SHLD2: variants seen among roughly 807,000 people sequenced by gnomAD.
SHLD2 encodes shieldin complex subunit 2, also known as RINN1-REV7-interacting novel NHEJ regulator 2.
In SHLD2, 30 loss-of-function variants were observed where a neutral mutation model predicts 73.2. That is an observed-to-expected ratio of 0.41 (90% CI 0.31 to 0.56). The LOEUF (loss-of-function observed/expected upper bound fraction) is 0.56. SHLD2 is among the 20% of genes least tolerant of loss of function. The pLI, the probability that SHLD2 is intolerant of heterozygous loss-of-function variation, is 0.28. For missense variants in SHLD2, 745 were observed against 1,055.9 expected, an observed-to-expected ratio of 0.71 and a Z score of 4.08; for synonymous variants, 285 against 370.1, an observed-to-expected ratio of 0.77 and a Z score of 2.64.
chr10:87,155,509 T>A (rs1240158375), intron 3 of SHLD2, among the ~76,000 whole-genome samples: 8 of 134,332 alleles, frequency 6.0e-5, no homozygotes, highest in South Asian at 4.2e-4. Flanking sequence ...GAAAAAAAAA[T>A]TTTTTTTTCT....
chr10:87,117,099 T>C (rs1240029345), intron 2 of SHLD2, among the ~76,000 whole-genome samples: 3 of 152,328 alleles, frequency 2.0e-5, no homozygotes, highest in Non-Finnish European at 2.9e-5. Context: ...AAGTCTTTAG[T>C]GAACATCAGA....
intron 2 of SHLD2, among the ~76,000 whole-genome samples, chr10:87,119,404 G>A (rs1196368176): frequency 2.0e-5 from 3 of 151,776 alleles, no homozygotes; most frequent in African/African-American, 2.4e-5. Flanking sequence ...GGTTTAAATC[G>A]TCTCTAGAAC....
intron 2 of SHLD2, among the ~76,000 whole-genome samples, chr10:87,127,542 C>CCCCCG (rs1564587226): frequency 0.011 from 931 of 81,484 alleles, 19 homozygotes; most frequent in Middle Eastern, 0.025. Context: ...CCCCCCCACC[C>CCCCCG]CGTCTGCCAC....
chr10:87,184,345 C>T (rs1372090023), intron 8 of SHLD2, among the ~76,000 whole-genome samples: 1 of 152,048 alleles, frequency 6.6e-6, no homozygotes, highest in African/African-American at 2.4e-5. Flanking sequence ...TTTCTCAGGA[C>T]AGTTTCTCAT....
At chr10:87,106,104 AG>A (rs1157335224) in intron 2 of SHLD2, among the ~76,000 whole-genome samples, 1 of 152,232 alleles carries the variant, frequency 6.6e-6, no homozygotes, top group Non-Finnish European at 1.5e-5. Flanking sequence ...CCTGGGTTCA[AG>A]TGATTCTCCT....
chr10:87,156,136 G>C (rs1224643453), intron 3 of SHLD2, among the ~76,000 whole-genome samples: 1 of 149,100 alleles, frequency 6.7e-6, no homozygotes, highest in East Asian at 2.0e-4. Context: ...GCGCGATCTC[G>C]GCTCACTGCA....
chr10:87,161,655 G>A, intron 4 of SHLD2, among the ~76,000 whole-genome samples: 1 of 152,122 alleles, frequency 6.6e-6, no homozygotes, highest in Admixed American at 6.6e-5. Context: ...CCCTGTTCTT[G>A]GATAGGATGA....
intron 2 of SHLD2, among the ~76,000 whole-genome samples, chr10:87,144,698 C>T (rs1459411840): frequency 1.6e-5 from 2 of 126,134 alleles, no homozygotes; most frequent in Non-Finnish European, 1.6e-5. Context: ...GCAATCTTGG[C>T]TCACTGCAAG....
chr10:87,154,040 T>G (rs1846201057), intron 3 of SHLD2: 1 of 152,232 alleles, frequency 6.6e-6, no homozygotes, highest in Admixed American at 6.5e-5. Flanking sequence ...GTTTGTTTAA[T>G]AGGGACAGGG....
chr10:87,137,760 A>T (rs1232492181), intron 2 of SHLD2, among the ~76,000 whole-genome samples: 2 of 152,210 alleles, frequency 1.3e-5, no homozygotes, highest in Admixed American at 6.5e-5. Context: ...CAACAAATTT[A>T]AAAATCCCAT....
chr10:87,180,241 G>C lies in SHLD2; in HGVS notation c.2337G>C (p.Glu779Asp), dbSNP rs770437419. The change falls in exon 8 of 10, where the codon GAG (glutamate) becomes GAC (aspartate). Residue 779 changes from glutamate (E) to aspartate (D), a missense_variant. This residue lies in a region of SHLD2 where 418 missense variants were observed against 567.8 expected (regional missense o/e 0.74). Coordinates refer to ENST00000298786, the MANE Select transcript of SHLD2 (RefSeq NM_001330112.2). ...GTGGATTGGAACTAGAAACAGATGA[G>C]AACAGGATCTACAAACAATGTTTTA... ...AKCGLELETDENRIYKQCFSC... is the reference protein window; with the variant it reads ...AKCGLELETDDNRIYKQCFSC... The C allele has an allele frequency of 6.2e-7, 1 of 1,612,740 alleles. No homozygotes were observed. Among genetic ancestry groups the C allele is most frequent in the Non-Finnish European group, 8.5e-7 (1 of 1,179,028 alleles).
intron 4 of SHLD2, among the ~76,000 whole-genome samples, chr10:87,163,956 C>A (rs9421603): frequency 6.9e-6 from 1 of 144,050 alleles, no homozygotes; most frequent in South Asian, 2.2e-4. Context: ...CTTTTCTTTT[C>A]TTTTCTTTTT....
chr10:87,156,798 A>T (rs568745236), intron 3 of SHLD2, among the ~76,000 whole-genome samples: 119 of 152,322 alleles, frequency 7.8e-4, no homozygotes, highest in Non-Finnish European at 1.5e-3. Context: ...ATGCTGTACT[A>T]GCTCTTCCTG....
intron 2 of SHLD2, among the ~76,000 whole-genome samples, chr10:87,101,536 C>T (rs1212498067): frequency 6.6e-6 from 1 of 152,200 alleles, no homozygotes; most frequent in Non-Finnish European, 1.5e-5. Flanking sequence ...ACTGAGATTA[C>T]AGGTGTGCAC....
chr10:87,099,024 C>T (rs1239741501), intron 2 of SHLD2, among the ~76,000 whole-genome samples: 1 of 152,234 alleles, frequency 6.6e-6, no homozygotes, highest in Non-Finnish European at 1.5e-5. Context: ...GATATGCCCG[C>T]CTCTGCCTCC....
intron 2 of SHLD2, among the ~76,000 whole-genome samples, chr10:87,114,744 A>G (rs937543912): frequency 4.6e-5 from 7 of 152,120 alleles, no homozygotes; most frequent in African/African-American, 1.7e-4. Context: ...AAAACAAACA[A>G]ACAAAAAACC....
intron 4 of SHLD2, among the ~76,000 whole-genome samples, chr10:87,164,410 G>A (rs1030430641): frequency 6.6e-6 from 1 of 151,900 alleles, no homozygotes; most frequent in African/African-American, 2.4e-5. Flanking sequence ...GCACTACCAC[G>A]CCTGGCTAAT....
Position 87,175,945 on chromosome 10 carries a change from C to G in SHLD2, c.2020C>G (p.Leu674Val). The G allele has an allele frequency of 1.9e-6, 3 of 1,550,292 alleles. No homozygotes were observed. The South Asian group carries it at 3.6e-5, about 18-fold the overall frequency. The change falls in exon 7 of 10, where the codon CTA becomes GTA. Residue 674 changes from leucine to valine, a missense_variant. Around this residue, in one of 5 missense-constraint regions of SHLD2, gnomAD observed 418 missense variants for 567.8 expected, o/e 0.74. Transcript: ENST00000298786. ...FVQCNYTLEN[L>V]ELHTTPWSSC... Reference sequence around the variant, plus strand: ...TCAGTGCAATTACACACTAGAAAACCTAGAATTGCATACAACGCCTTGGTC... The same window carrying G: ...TCAGTGCAATTACACACTAGAAAACGTAGAATTGCATACAACGCCTTGGTC...
At chr10:87,102,328 T>G (rs1842320110) in intron 2 of SHLD2, among the ~76,000 whole-genome samples, 1 of 152,152 alleles carries the variant, frequency 6.6e-6, no homozygotes, top group Non-Finnish European at 1.5e-5. Context: ...TGTTTTCTTT[T>G]TTTTTACTCC....
Sources: allele counts gnomAD v4.1 joint callset (sites outside exome capture counted in the v4.1 genomes callset), GRCh38; gene constraint gnomAD v4.1.1; regional missense constraint gnomAD v4.1.1; transcripts MANE v1.5; gene names NCBI Gene and HGNC (gene_info 2026-07-23, HGNC 2026-07-21).